The following COPG1 variants were observed in gnomAD, a reference collection of about 807,000 sequenced individuals.
The protein encoded by COPG1 is coatomer subunit gamma-1.
COPG1 carries 29 observed loss-of-function variants against 102.8 expected under a neutral mutation model. That is an observed-to-expected ratio of 0.28 (90% CI 0.21 to 0.38). The LOEUF is 0.38. Among genes scored for constraint, COPG1 ranks in the 10% least tolerant of loss-of-function variants. The probability of loss-of-function intolerance (pLI) is 1.00; values close to 1 mark genes in which losing one functional copy is unlikely to be tolerated. For synonymous variants in COPG1, 406 were observed against 421.6 expected (o/e 0.96, Z 0.45); for missense variants, 875 against 1,132.7 (o/e 0.77, Z 3.27).
intron 13 of COPG1, among the ~76,000 whole-genome samples, 155 bp downstream of exon 13, chr3:129,264,154 A>G (rs1324351345): frequency 6.6e-6 from 1 of 152,210 alleles, no homozygotes; most frequent in East Asian, 1.9e-4. Context: ...CCTTGTGGAC[A>G]TGTAAACACG....
intron 2 of COPG1, among the ~76,000 whole-genome samples, chr3:129,251,988 T>G (rs1436423901): frequency 6.6e-6 from 1 of 152,218 alleles, no homozygotes; most frequent in Non-Finnish European, 1.5e-5. Flanking sequence ...TCCAGCCGCT[T>G]CTTTCTTTAT....
chr3:129,268,790 C>CATGTGAGAGAGCCCACGTCT, intron 17 of COPG1, 142 bp from the exon 18 acceptor site: 3 of 1,066,428 alleles, frequency 2.8e-6, no homozygotes, highest in South Asian at 1.4e-5. Context: ...TACACACAGA[C>CATGTGAGAGAGCCCACGTCT]GTGGGCTCTC....
At chr3:129,266,697 A>G (rs1417293359) in intron 14 of COPG1, among the ~76,000 whole-genome samples, 1 of 152,122 alleles carries the variant, frequency 6.6e-6, no homozygotes, top group East Asian at 1.9e-4. Flanking sequence ...CCATTTGGAT[A>G]TGGAAGGTGA....
intron 18 of COPG1, among the ~76,000 whole-genome samples, chr3:129,270,090 G>A (rs956002447): frequency 6.8e-6 from 1 of 147,892 alleles, no homozygotes; most frequent in African/African-American, 2.5e-5. Context: ...CCCTAGAAGG[G>A]CCCTTATGAT....
rs1939730879 is a variant in COPG1, at chr3:129,252,928, C to T, written c.296C>T (p.Ala99Val). Residue 99 changes from alanine to valine, a missense_variant, in exon 5 of 24, where the codon GCA (alanine) becomes GTA (valine). Ala to Val is a moderately conservative substitution (Grantham distance 64, BLOSUM62 0). Transcript: ENST00000314797. ...ACCATCAAGGAGATGTCTTGCATTG[C>T]AGAGGATGTCATCATTGTCACCAGC... The part of the protein sequence containing the change: ...YLTIKEMSCI[A>V]EDVIIVTSSL... 1.2e-6 allele frequency: 2 copies of T among 1,614,158 alleles called. No individual in the cohort carries two copies. The highest frequency in any genetic ancestry group is 1.7e-6 in the Non-Finnish European group (2 of 1,180,012).
Position 129,275,718 on chromosome 3 carries a change from T to G in COPG1, c.2494+426T>G, listed in dbSNP as rs961243664. On this transcript the variant is annotated intron_variant, in intron 23 of 23. Coordinates refer to ENST00000314797, the MANE Select transcript of COPG1 (RefSeq NM_016128.4). The surrounding 1 kb of genome is among the most constrained non-coding windows in gnomAD (Gnocchi z 5.0). ...TCTTTTAATTGTGGTAAAATATACA[T>G]AAAATTCACCATTTCGACCATTTTC... Among the ~76,000 whole-genome samples the G allele has an allele frequency of 1.3e-5, 2 of 152,238 alleles. No homozygotes were observed. The highest frequency in any genetic ancestry group is 2.9e-5 in the Non-Finnish European group (2 of 68,038).
Position 129,249,654 on chromosome 3 carries a change from T to A in COPG1, c.-56T>A. The A allele has an allele frequency of 6.5e-7, 1 of 1,545,768 alleles. No individual in the cohort carries two copies. On this transcript the variant is annotated 5_prime_UTR_variant, in exon 1 of 24. Transcript: ENST00000314797. The stretch of plus-strand genomic sequence containing the variant: ...TGTAGAACCACTGTGGCACCGCTAC[T>A]CCGTGCCGCGCCCGTCGAGCATTGC...
rs775692231 is a variant in COPG1 at position 129,277,332 on chromosome 3, C to T, written c.2533C>T (p.Arg845Trp). ...RGGHDILVRS[R>W]LLLLDTVTMQ... ...TGGTCATGACATCCTGGTGCGCTCCCGGCTGCTGCTTTTGGACACAGTGAC... is the reference window on the plus strand; with the variant it reads ...TGGTCATGACATCCTGGTGCGCTCCTGGCTGCTGCTTTTGGACACAGTGAC... Residue 845 changes from arginine (R) to tryptophan (W), a missense_variant, in exon 24 of 24, where the codon CGG becomes TGG. Transcript: ENST00000314797. 1.1e-5 allele frequency: 17 copies of T among 1,613,996 alleles called. No homozygotes were observed. Among genetic ancestry groups the T allele is most frequent in the East Asian group, 4.5e-5 (2 of 44,882 alleles).
At chr3:129,268,886 C>A in intron 17 of COPG1, 46 bp from the exon 18 acceptor site, 1 of 1,554,170 alleles carries the variant, frequency 6.4e-7, no homozygotes, top group Non-Finnish European at 8.9e-7. Flanking sequence ...CACACTGCCC[C>A]GTGACTCCAG....
At chr3:129,257,427 A>G in intron 8 of COPG1, 43 bp from the exon 9 acceptor site, 1 of 1,607,138 alleles carries the variant, frequency 6.2e-7, no homozygotes. Flanking sequence ...AGTATACCCA[A>G]AAGTCATACA....
Position 129,275,082 on chromosome 3 carries a change from G to C in COPG1, c.2395+106G>C. The stretch of plus-strand genomic sequence containing the variant: ...CTCCAAGGATCCAGGGCCATGTCTG[G>C]AGCACATATGTCAAATGCCACTTCA... On this transcript the variant is annotated intron_variant, in intron 22 of 23. Transcript: ENST00000314797. This position sits in a 1 kb window ranked among gnomAD's most constrained non-coding sequence, Gnocchi z 5.0. 6.7e-7 allele frequency: 1 copy of C among 1,503,566 alleles called. No homozygotes were observed. The highest frequency in any genetic ancestry group is 9.2e-7 in the Non-Finnish European group (1 of 1,086,468). The allele number at this position is 1,503,566 out of a possible 1,614,324, so 93.1% of individuals were successfully genotyped here.
At position 129,257,933 on chromosome 3, in the gene COPG1, G is replaced by A. The variant is rs548994173; in HGVS notation, c.871+73G>A. 11 of 1,561,570 alleles carry A rather than the reference G, an allele frequency of 7.0e-6. No individual in the cohort carries two copies. In the East Asian group the frequency reaches 2.3e-4, roughly 32 times the overall value. ...GAACTAGGCCTGGGTTCCCGGGCTA[G>A]GAGAAAGAAAGAAAATGCTCTTAAC... On this transcript the variant is annotated intron_variant, in intron 10 of 23. Transcript: ENST00000314797.
At chr3:129,268,322 C>G (rs899999435) in intron 16 of COPG1, among the ~76,000 whole-genome samples, 173 bp from the exon 17 acceptor site, 4 of 152,230 alleles carry the variant, frequency 2.6e-5, no homozygotes, top group African/African-American at 9.7e-5. Flanking sequence ...TTCCCCACAC[C>G]TACCCTGTAA....
chr3:129,276,422 G>T (rs1940270435), intron 23 of COPG1, among the ~76,000 whole-genome samples: 1 of 152,188 alleles, frequency 6.6e-6, no homozygotes, highest in Non-Finnish European at 1.5e-5. Flanking sequence ...TTCTCTAAGA[G>T]AGAATGACCC....
chr3:129,260,806 A>G lies in COPG1; in HGVS notation c.1127A>G (p.Lys376Arg). The G allele has an allele frequency of 2.5e-6, 4 of 1,611,970 alleles. No individual in the cohort carries two copies. Among genetic ancestry groups the G allele is most frequent in the Non-Finnish European group, 3.4e-6 (4 of 1,179,882 alleles). Residue 376 changes from lysine (K) to arginine (R), a missense_variant and splice_region_variant, in exon 12 of 24, where the codon AAG (lysine) becomes AGG (arginine). Physicochemically the swap from Lys to Arg is conservative, Grantham distance 26. Coordinates refer to ENST00000314797, the MANE Select transcript of COPG1 (RefSeq NM_016128.4). ...ATGTCAGAAATCTCGGATGAATTCA[A>G]GGTACCTGCTACCCCCAGGACACCC... ...SFMSEISDEF[K>R]VVVVQAISAL...
At chr3:129,260,937 G>A in intron 12 of COPG1, 130 bp downstream of exon 12, 1 of 908,514 alleles carries the variant, frequency 1.1e-6, no homozygotes, top group Non-Finnish European at 1.7e-6. Flanking sequence ...GAGGAGGCCA[G>A]CAGTTTGCTC....
intron 10 of COPG1, among the ~76,000 whole-genome samples, chr3:129,258,502 G>C (rs1319060028): frequency 6.6e-6 from 1 of 152,206 alleles, no homozygotes; most frequent in African/African-American, 2.4e-5. Context: ...ATGTCGCCCA[G>C]GCTGGAGTGC....
intron 4 of COPG1, 50 bp downstream of exon 4, chr3:129,252,744 T>C (rs767860809): frequency 6.3e-7 from 1 of 1,579,772 alleles, no homozygotes; most frequent in Admixed American, 1.7e-5. Flanking sequence ...TGTAACAAGG[T>C]GGTGGGAGGG....
At position 129,266,719 on chromosome 3, in the gene COPG1, T is replaced by G. The variant is rs6772316; in HGVS notation, c.1469-305T>G. ...GATATGGAAGGTGAGGAGCTTTACA[T>G]TATAGCCAGCTTCTGTGACCTCATC... is the stretch of plus-strand genomic sequence containing the variant. On this transcript the variant is annotated intron_variant, in intron 14 of 23. Coordinates refer to ENST00000314797, the MANE Select transcript of COPG1 (RefSeq NM_016128.4). 5.1e-3 allele frequency among the ~76,000 whole-genome samples: 784 copies of G among 152,312 alleles called. 3 individuals carry two copies. The highest frequency in any genetic ancestry group is 0.014 in the African/African-American group (574 of 41,564).
Sources: allele counts gnomAD v4.1 joint callset (sites outside exome capture counted in the v4.1 genomes callset), GRCh38; gene constraint gnomAD v4.1.1; non-coding constraint Gnocchi (gnomAD v3.1); transcripts MANE v1.5; gene names NCBI Gene and HGNC (gene_info 2026-07-23, HGNC 2026-07-21).